Variants in FANK1 observed in about 807,000 individuals in gnomAD.
FANK1 encodes the protein fibronectin type 3 and ankyrin repeat domains protein 1.
Under a neutral mutation model 45.3 loss-of-function variants are expected in FANK1, and 44 were observed. The ratio of observed to expected loss-of-function variants is 0.97; its 90% CI spans 0.76 to 1.25. FANK1 has a LOEUF of 1.25. Among genes scored for constraint, FANK1 ranks in the 50% most tolerant of loss-of-function variants. FANK1 has a pLI of 0.00. For missense variants in FANK1, 391 were observed against 424.4 expected (o/e 0.92, Z 0.69); for synonymous variants, 149 against 152.5 (o/e 0.98, Z 0.17).
intron 1 of FANK1, among the ~76,000 whole-genome samples, chr10:125,956,717 A>T (rs1178679977): frequency 1.3e-5 from 2 of 152,176 alleles, no homozygotes; most frequent in South Asian, 4.1e-4. Flanking sequence ...TTTAGCAATG[A>T]TGGTGACCAT....
intron 1 of FANK1, among the ~76,000 whole-genome samples, chr10:125,927,961 A>C (rs1947480909): frequency 6.6e-6 from 1 of 152,156 alleles, no homozygotes; most frequent in Non-Finnish European, 1.5e-5. Context: ...TACTGCTAAA[A>C]ATTTTGCAGT....
chr10:125,979,021 A>ATG (rs547690131), intron 1 of FANK1, among the ~76,000 whole-genome samples: 273 of 152,310 alleles, frequency 1.8e-3, no homozygotes, highest in Non-Finnish European at 2.9e-3. Context: ...TGAAGACTGA[A>ATG]GGCACTGGTA....
chr10:125,951,764 C>T (rs1949248619), intron 1 of FANK1, among the ~76,000 whole-genome samples: 1 of 152,066 alleles, frequency 6.6e-6, no homozygotes, highest in African/African-American at 2.4e-5. Flanking sequence ...TTTTGGTTTC[C>T]ACTAAGATAC....
At chr10:125,976,984 G>A (rs1410112454) in intron 1 of FANK1, among the ~76,000 whole-genome samples, 3 of 151,888 alleles carry the variant, frequency 2.0e-5, no homozygotes, top group Non-Finnish European at 4.4e-5. Flanking sequence ...TTTTATGCTG[G>A]CTATTCTATC....
intron 1 of FANK1, among the ~76,000 whole-genome samples, chr10:125,931,023 A>G (rs1443613001): frequency 6.6e-6 from 1 of 152,224 alleles, no homozygotes; most frequent in African/African-American, 2.4e-5. Context: ...AATCTCATCC[A>G]GGTCACTGCA....
At position 125,980,586 on chromosome 10, in the gene FANK1, C is replaced by T; in HGVS notation, c.191+248C>T. 4.7e-6 allele frequency: 2 copies of T among 422,532 alleles called. 1 individual carries two copies. The highest frequency in any genetic ancestry group is 6.0e-5 in the South Asian group (2 of 33,534). 26.2% of individuals were successfully genotyped at this position (422,532 alleles called of 1,614,324 possible). ...TATTTTAATGATATGTATTTAAAATCCAGAATGTAGAGACAGACTCAAACA... is the reference window on the plus strand; with the variant it reads ...TATTTTAATGATATGTATTTAAAATTCAGAATGTAGAGACAGACTCAAACA... On this transcript the variant is annotated intron_variant, in intron 2 of 10. Coordinates refer to ENST00000368693, the MANE Select transcript of FANK1 (RefSeq NM_145235.5).
intron 1 of FANK1, among the ~76,000 whole-genome samples, chr10:125,925,525 TCAG>T (rs1256992128): frequency 2.0e-5 from 3 of 152,104 alleles, no homozygotes; most frequent in Non-Finnish European, 4.4e-5. Flanking sequence ...TCCTCCTACC[TCAG>T]TCTTTAGAGT....
At chr10:125,973,296 A>G (rs1950635418) in intron 1 of FANK1, 1 of 264,044 alleles carries the variant, frequency 3.8e-6, no homozygotes, top group South Asian at 1.4e-4. Flanking sequence ...ATGTCTTTGG[A>G]ATTGAAATAC....
chr10:125,949,630 G>A (rs909670226), intron 1 of FANK1, among the ~76,000 whole-genome samples: 48 of 136,322 alleles, frequency 3.5e-4, no homozygotes, highest in Admixed American at 1.2e-3. Context: ...CAAACAAATG[G>A]AAGAACATTC....
chr10:125,958,231 C>G (rs1949703608), intron 1 of FANK1, among the ~76,000 whole-genome samples: 1 of 152,104 alleles, frequency 6.6e-6, no homozygotes, highest in Non-Finnish European at 1.5e-5. Context: ...CTCTAGTATC[C>G]TCTGTTCTCT....
intron 1 of FANK1, among the ~76,000 whole-genome samples, chr10:125,937,508 A>G (rs1468173856): frequency 2.0e-5 from 3 of 152,164 alleles, no homozygotes; most frequent in African/African-American, 4.8e-5. Context: ...ACCTCTATCA[A>G]CTTTTTTCAT....
At chr10:125,971,243 T>TG in intron 1 of FANK1, among the ~76,000 whole-genome samples, 1 of 152,264 alleles carries the variant, frequency 6.6e-6, no homozygotes, top group African/African-American at 2.4e-5. Context: ...CTGAACCTAA[T>TG]GCAGCATTTG....
intron 6 of FANK1, among the ~76,000 whole-genome samples, chr10:125,998,615 A>G (rs1952520410): frequency 6.6e-6 from 1 of 152,144 alleles, no homozygotes; most frequent in South Asian, 2.1e-4. Context: ...AAGATACACC[A>G]ATCTTTTGTA....
chr10:125,954,366 G>C (rs1317118500), intron 1 of FANK1, among the ~76,000 whole-genome samples: 1 of 152,156 alleles, frequency 6.6e-6, no homozygotes, highest in Admixed American at 6.5e-5. Flanking sequence ...CCTTTGAAGA[G>C]GAACTTCTTT....
At chr10:125,961,573 A>G (rs1003441816) in intron 1 of FANK1, among the ~76,000 whole-genome samples, 1 of 152,230 alleles carries the variant, frequency 6.6e-6, no homozygotes, top group Admixed American at 6.5e-5. Flanking sequence ...TCAAAGACCT[A>G]AATGTAAGAT....
At chr10:125,954,568 A>G (rs936214401) in intron 1 of FANK1, among the ~76,000 whole-genome samples, 2 of 143,132 alleles carry the variant, frequency 1.4e-5, no homozygotes, top group African/African-American at 2.5e-5. Context: ...AAAAATTTCA[A>G]TAGTTCATGG....
intron 1 of FANK1, among the ~76,000 whole-genome samples, chr10:125,932,201 A>G (rs889433653): frequency 6.6e-6 from 1 of 152,112 alleles, no homozygotes; most frequent in Non-Finnish European, 1.5e-5. Context: ...TTGGTTCCAT[A>G]TGAATTTTAG....
At position 126,005,053 on chromosome 10, in the gene FANK1, C is replaced by G. The variant is rs117261217; in HGVS notation, c.705+4C>G. On this transcript the variant is annotated splice_donor_region_variant and intron_variant, in intron 7 of 10. Coordinates refer to ENST00000368693, the MANE Select transcript of FANK1 (RefSeq NM_145235.5). ...GATGATAAAGGATGGCTGTGAGGTA[C>G]GGGACCTGCCTTGTTAACCACGCAC... is the stretch of plus-strand genomic sequence containing the variant. 5.0e-6 allele frequency: 8 copies of G among 1,610,770 alleles called. No homozygotes were observed. Among genetic ancestry groups the G allele is most frequent in the African/African-American group, 2.7e-5 (2 of 74,834 alleles).
At chr10:125,994,920 C>A in intron 3 of FANK1, 1 of 985,392 alleles carries the variant, frequency 1.0e-6, no homozygotes, top group African/African-American at 1.7e-5. Context: ...TGGGTCGAAG[C>A]CCTTCTGCCC....
Sources: allele counts gnomAD v4.1 joint callset (sites outside exome capture counted in the v4.1 genomes callset), GRCh38; gene constraint gnomAD v4.1.1; transcripts MANE v1.5; gene names NCBI Gene and HGNC (gene_info 2026-07-23, HGNC 2026-07-21).